The following B3GLCT variants were observed in gnomAD, a reference collection of about 807,000 sequenced individuals.
The protein encoded by B3GLCT is beta 3-glucosyltransferase.
A neutral mutation model predicts 63.4 loss-of-function variants in B3GLCT; 65 were observed. The ratio of observed to expected loss-of-function variants is 1.03; its 90% CI spans 0.84 to 1.26. The LOEUF is 1.26. Ranked by LOEUF, B3GLCT falls within the 50% of genes most tolerant of loss-of-function variation. The probability of loss-of-function intolerance (pLI) is 0.00; values close to 1 mark genes in which losing one functional copy is unlikely to be tolerated. For missense variants in B3GLCT, 577 were observed against 604.8 expected (o/e 0.95, Z 0.48); for synonymous variants, 233 against 219.2 (o/e 1.06, Z -0.55).
At chr13:31,258,739 A>T (rs1343697633) in intron 6 of B3GLCT, among the ~76,000 whole-genome samples, 2 of 152,098 alleles carry the variant, frequency 1.3e-5, no homozygotes, top group Non-Finnish European at 2.9e-5. Flanking sequence ...TTTAATTTTC[A>T]ACAGTGTTAC....
At chr13:31,308,362 A>AAAAAAAAAAAAAC (rs61561180) in intron 12 of B3GLCT, among the ~76,000 whole-genome samples, 9,755 of 59,044 alleles carry the variant, frequency 0.17, 1,237 homozygotes, top group Non-Finnish European at 0.25. Flanking sequence ...AAAAAAAAAC[A>AAAAAAAAAAAAAC]AAAAAAAAAG....
At chr13:31,324,097 A>G (rs1206253473) in intron 14 of B3GLCT, among the ~76,000 whole-genome samples, 1 of 152,220 alleles carries the variant, frequency 6.6e-6, no homozygotes, top group Non-Finnish European at 1.5e-5. Flanking sequence ...GATGGGAGGC[A>G]AAAACGTCTC....
At chr13:31,258,101 C>T (rs2137825387) in intron 6 of B3GLCT, among the ~76,000 whole-genome samples, 1 of 152,250 alleles carries the variant, frequency 6.6e-6, no homozygotes, top group African/African-American at 2.4e-5. Context: ...CAAGGAATAC[C>T]TCATTCATCA....
rs761496310 is a variant in B3GLCT, at chr13:31,286,835, C to T, written c.1064+16C>T. ...CATTAATAAGGTAAGGAGTCATTCT[C>T]ATCCTAAATGGCTTTAAATTCTACA... On this transcript the variant is annotated intron_variant, in intron 12 of 14. Coordinates refer to ENST00000343307, the MANE Select transcript of B3GLCT (RefSeq NM_194318.4). 7 of 1,536,482 alleles carry T rather than the reference C, an allele frequency of 4.6e-6. No homozygotes were observed. The highest frequency in any genetic ancestry group is 1.4e-5 in the African/African-American group (1 of 73,384).
intron 2 of B3GLCT, among the ~76,000 whole-genome samples, chr13:31,221,692 T>A (rs754322574): frequency 1.3e-5 from 2 of 152,256 alleles, no homozygotes; most frequent in Non-Finnish European, 2.9e-5. Flanking sequence ...CCTTTGGTAT[T>A]CTTAGAGGAT....
chr13:31,293,744 C>G (rs1873797464), intron 12 of B3GLCT, among the ~76,000 whole-genome samples: 1 of 152,098 alleles, frequency 6.6e-6, no homozygotes, highest in African/African-American at 2.4e-5. Context: ...TCCAATGGGT[C>G]TTGACTCTTT....
At chr13:31,284,942 G>A (rs1873248934) in intron 11 of B3GLCT, among the ~76,000 whole-genome samples, 181 bp downstream of exon 11, 1 of 152,146 alleles carries the variant, frequency 6.6e-6, no homozygotes, top group Non-Finnish European at 1.5e-5. Context: ...AGTACGAAGT[G>A]TTGCAAGTTT....
chr13:31,272,555 CATTT>C (rs1488103184), intron 8 of B3GLCT, among the ~76,000 whole-genome samples: 3 of 151,984 alleles, frequency 2.0e-5, no homozygotes, highest in Non-Finnish European at 4.4e-5. Flanking sequence ...TCTTCTTATT[CATTT>C]ATTTATTAGT....
intron 14 of B3GLCT, among the ~76,000 whole-genome samples, chr13:31,327,061 G>T (rs747471496): frequency 1.3e-4 from 20 of 152,046 alleles, no homozygotes; most frequent in Non-Finnish European, 1.8e-4. Context: ...TAACCACAGG[G>T]GATACATTCC....
intron 14 of B3GLCT, among the ~76,000 whole-genome samples, chr13:31,327,049 C>T (rs1875660653): frequency 1.3e-5 from 2 of 152,134 alleles, no homozygotes; most frequent in Non-Finnish European, 2.9e-5. Context: ...GTAGTCCTTC[C>T]TTAACCACAG....
chr13:31,228,822 A>G (rs1178258821), intron 3 of B3GLCT, among the ~76,000 whole-genome samples: 1 of 152,220 alleles, frequency 6.6e-6, no homozygotes, highest in Non-Finnish European at 1.5e-5. Flanking sequence ...TTATGTGGGA[A>G]TTGTTAAAAA....
chr13:31,225,231 A>G (rs1302080964), intron 3 of B3GLCT, among the ~76,000 whole-genome samples: 1 of 152,248 alleles, frequency 6.6e-6, no homozygotes, highest in South Asian at 2.1e-4. Flanking sequence ...GTGTTTGCTG[A>G]AGGCAGATTG....
chr13:31,322,297 G>A (rs1875366378), intron 13 of B3GLCT, among the ~76,000 whole-genome samples: 1 of 152,226 alleles, frequency 6.6e-6, no homozygotes, highest in South Asian at 2.1e-4. Flanking sequence ...GGCCAGGAAG[G>A]GCAGGCATGT....
chr13:31,267,680 T>G (rs986838956), intron 7 of B3GLCT, among the ~76,000 whole-genome samples: 2 of 152,224 alleles, frequency 1.3e-5, no homozygotes, highest in Admixed American at 1.3e-4. Context: ...AGACAAATGC[T>G]TTGTAATGAA....
chr13:31,231,754 A>G (rs1433944309), intron 4 of B3GLCT, among the ~76,000 whole-genome samples: 5 of 152,166 alleles, frequency 3.3e-5, no homozygotes, highest in Non-Finnish European at 7.4e-5. Flanking sequence ...TAGAAATTAT[A>G]AAGTATTCCT....
chr13:31,234,036 G>GAGAT (rs1388894370), intron 4 of B3GLCT, among the ~76,000 whole-genome samples: 1 of 147,016 alleles, frequency 6.8e-6, no homozygotes, highest in Admixed American at 6.9e-5. Context: ...CTTTGTTTTT[G>GAGAT]AGATAGAGTC....
intron 3 of B3GLCT, 135 bp from the exon 4 acceptor site, chr13:31,229,050 A>C (rs554801858): frequency 1.5e-6 from 1 of 660,164 alleles, no homozygotes; most frequent in Non-Finnish European, 2.7e-6. Flanking sequence ...CTAGAATTAC[A>C]TACGAATTGA....
intron 12 of B3GLCT, among the ~76,000 whole-genome samples, chr13:31,308,615 T>C (rs1874536092): frequency 1.3e-5 from 2 of 152,146 alleles, no homozygotes; most frequent in East Asian, 3.9e-4. Flanking sequence ...CCAAACATGC[T>C]CTTCCATTCT....
chr13:31,233,290 GGT>G (rs1479860684), intron 4 of B3GLCT, among the ~76,000 whole-genome samples: 1 of 152,030 alleles, frequency 6.6e-6, no homozygotes, highest in Non-Finnish European at 1.5e-5. Context: ...GGTATGAGTT[GGT>G]TCTAGAAAAA....
Sources: allele counts gnomAD v4.1 joint callset (sites outside exome capture counted in the v4.1 genomes callset), GRCh38; gene constraint gnomAD v4.1.1; transcripts MANE v1.5; gene names NCBI Gene and HGNC (gene_info 2026-07-23, HGNC 2026-07-21).